Variants in TMEM217B observed in about 807,000 individuals in gnomAD.
The protein encoded by TMEM217B is putative transmembrane protein 217B.
the TMEM217B span, among the ~76,000 whole-genome samples, chr6:37,251,211 C>G: frequency 1.3e-5 from 2 of 152,166 alleles, no homozygotes; most frequent in African/African-American, 2.4e-5. Flanking sequence ...TCATGTCAGA[C>G]AGGTAATGTG....
At chr6:37,250,059 C>T in the TMEM217B span, among the ~76,000 whole-genome samples, 1 of 152,162 alleles carries the variant, frequency 6.6e-6, no homozygotes, top group African/African-American at 2.4e-5. Context: ...TGGACTATTA[C>T]AACAGTGAAA....
the TMEM217B span, among the ~76,000 whole-genome samples, chr6:37,239,637 A>G: frequency 2.6e-5 from 4 of 152,192 alleles, no homozygotes; most frequent in African/African-American, 9.6e-5. Context: ...CAATCATGGT[A>G]AGAACTTTTT....
At chr6:37,235,222 T>C in the TMEM217B span, among the ~76,000 whole-genome samples, 5 of 152,224 alleles carry the variant, frequency 3.3e-5, no homozygotes, top group African/African-American at 4.8e-5. Flanking sequence ...TACTACACAA[T>C]TGGAAGTGAT....
the TMEM217B span, among the ~76,000 whole-genome samples, chr6:37,230,780 CAGTTAAG>C: frequency 6.6e-6 from 1 of 152,112 alleles, no homozygotes. Flanking sequence ...CTGCTTAACA[CAGTTAAG>C]CAGAACAGCC....
At chr6:37,233,774 C>CTAA in the TMEM217B span, among the ~76,000 whole-genome samples, 1 of 152,106 alleles carries the variant, frequency 6.6e-6, no homozygotes. Context: ...CGCTAACTAA[C>CTAA]GAAGTTACTA....
chr6:37,216,203 C>T, the TMEM217B span, among the ~76,000 whole-genome samples: 1 of 152,004 alleles, frequency 6.6e-6, no homozygotes. Flanking sequence ...CTCAGCCTCC[C>T]GAGTAGCTGG....
At chr6:37,242,531 A>G in the TMEM217B span, among the ~76,000 whole-genome samples, 4 of 152,332 alleles carry the variant, frequency 2.6e-5, no homozygotes, top group East Asian at 7.7e-4. Context: ...AAAGCCTGTC[A>G]TGCTTTGGTG....
the TMEM217B span, among the ~76,000 whole-genome samples, chr6:37,257,380 A>AG: frequency 1.3e-5 from 2 of 152,212 alleles, no homozygotes; most frequent in African/African-American, 4.8e-5. Flanking sequence ...TAATAACCAG[A>AG]GTGTCATTGA....
At chr6:37,213,716 G>A in the TMEM217B span, among the ~76,000 whole-genome samples, 18 of 152,222 alleles carry the variant, frequency 1.2e-4, no homozygotes, top group South Asian at 2.1e-4. Context: ...TGCCCGAGCC[G>A]ACCCTGCTGA....
At chr6:37,246,280 A>C in the TMEM217B span, among the ~76,000 whole-genome samples, 1 of 152,058 alleles carries the variant, frequency 6.6e-6, no homozygotes, top group East Asian at 1.9e-4. Flanking sequence ...CTTCAGGCTG[A>C]AGGTTGCCTG....
chr6:37,214,225 T>TTCTC, the TMEM217B span, among the ~76,000 whole-genome samples: 7 of 150,156 alleles, frequency 4.7e-5, no homozygotes, highest in Admixed American at 2.7e-4. Flanking sequence ...AGAACTTCCT[T>TTCTC]TCTCTCTCTC....
the TMEM217B span, among the ~76,000 whole-genome samples, chr6:37,213,981 C>T: frequency 6.6e-6 from 1 of 152,220 alleles, no homozygotes; most frequent in Non-Finnish European, 1.5e-5. Context: ...TTGTTGGAAG[C>T]CTGACCTGGC....
the TMEM217B span, among the ~76,000 whole-genome samples, chr6:37,256,485 T>G: frequency 6.6e-6 from 1 of 152,126 alleles, no homozygotes; most frequent in Non-Finnish European, 1.5e-5. Flanking sequence ...AGAGGGGCTT[T>G]TTTTCTCTGG....
At chr6:37,214,082 C>T in the TMEM217B span, among the ~76,000 whole-genome samples, 2 of 152,266 alleles carry the variant, frequency 1.3e-5, no homozygotes, top group Non-Finnish European at 2.9e-5. Flanking sequence ...CTCCTCTTCA[C>T]TCACTGGATC....
At chr6:37,249,046 T>C in the TMEM217B span, among the ~76,000 whole-genome samples, 5 of 152,184 alleles carry the variant, frequency 3.3e-5, no homozygotes, top group Non-Finnish European at 5.9e-5. Flanking sequence ...TGTCTGTATC[T>C]TCTCTCATAA....
the TMEM217B span, among the ~76,000 whole-genome samples, chr6:37,254,738 G>C: frequency 1.3e-5 from 2 of 152,120 alleles, no homozygotes; most frequent in Non-Finnish European, 2.9e-5. Context: ...CTAGGTGCTG[G>C]GGATACAGCA....
the TMEM217B span, among the ~76,000 whole-genome samples, chr6:37,245,621 T>G: frequency 6.6e-6 from 1 of 151,930 alleles, no homozygotes; most frequent in East Asian, 1.9e-4. Flanking sequence ...TCTCCGTATG[T>G]GGGAAAGGGA....
At chr6:37,229,345 T>TTTG in the TMEM217B span, among the ~76,000 whole-genome samples, 915 of 128,748 alleles carry the variant, frequency 7.1e-3, 29 homozygotes, top group Middle Eastern at 0.05. Context: ...GTTTTTTTTT[T>TTTG]TTTTTTTTTT....
chr6:37,228,047 C>T, the TMEM217B span, among the ~76,000 whole-genome samples: 1 of 152,124 alleles, frequency 6.6e-6, no homozygotes, highest in Non-Finnish European at 1.5e-5. Flanking sequence ...GAGTCTCAAA[C>T]TCTAAGGACT....
Sources: allele counts gnomAD v4.1 joint callset (sites outside exome capture counted in the v4.1 genomes callset), GRCh38; gene constraint gnomAD v4.1.1; transcripts MANE v1.5; gene names NCBI Gene and HGNC (gene_info 2026-07-23, HGNC 2026-07-21).